The following GREB1L variants were observed in gnomAD, a reference collection of about 807,000 sequenced individuals.
The protein encoded by GREB1L is GREB1 like retinoic acid receptor coactivator, also known as GREB1-like protein.
GREB1L carries 17 observed loss-of-function variants against 200.8 expected under a neutral mutation model. The observed-to-expected ratio is 0.08, with a 90% CI of 0.06 to 0.13. GREB1L has a LOEUF of 0.13. GREB1L is among the 10% of genes least tolerant of loss of function. GREB1L has a pLI of 1.00. For synonymous variants in GREB1L, 789 were observed against 893.0 expected, an observed-to-expected ratio of 0.88 and a Z score of 2.08; for missense variants, 1,657 against 2,367.7, an observed-to-expected ratio of 0.70 and a Z score of 6.23.
intron 1 of GREB1L, among the ~76,000 whole-genome samples, chr18:21,268,511 GTATA>G (rs1324427104): frequency 8.5e-4 from 57 of 67,154 alleles, no homozygotes; most frequent in African/African-American, 1.7e-3. Context: ...ATATATATAT[GTATA>G]TATATATACA....
chr18:21,480,720 C>G (rs1304737162), intron 17 of GREB1L, among the ~76,000 whole-genome samples: 1 of 152,062 alleles, frequency 6.6e-6, no homozygotes, highest in Non-Finnish European at 1.5e-5. Flanking sequence ...AAAGAACACA[C>G]AGAAAACTGA....
chr18:21,520,229 C>T (rs1372394464), intron 31 of GREB1L, among the ~76,000 whole-genome samples: 6 of 152,138 alleles, frequency 3.9e-5, no homozygotes, highest in Non-Finnish European at 8.8e-5. Context: ...GCGTGAGCCA[C>T]CGCACCCAGC....
At chr18:21,424,292 G>C (rs2032390472) in intron 7 of GREB1L, among the ~76,000 whole-genome samples, 1 of 152,164 alleles carries the variant, frequency 6.6e-6, no homozygotes, top group Non-Finnish European at 1.5e-5. Context: ...CTTTGGCCAG[G>C]TGCAGTGGCT....
chr18:21,310,219 T>A (rs985212064), intron 1 of GREB1L, among the ~76,000 whole-genome samples: 37 of 152,134 alleles, frequency 2.4e-4, no homozygotes, highest in African/African-American at 8.7e-4. Context: ...CAGAAAAGGT[T>A]GGTAACTGAG....
intron 15 of GREB1L, among the ~76,000 whole-genome samples, chr18:21,455,555 TGC>T (rs2145483948): frequency 6.6e-6 from 1 of 151,970 alleles, no homozygotes; most frequent in Non-Finnish European, 1.5e-5. Context: ...TAGTGGCACA[TGC>T]CTGTTATCCC....
intron 27 of GREB1L, 107 bp downstream of exon 27, chr18:21,508,698 C>CCTG: frequency 1.2e-6 from 1 of 802,926 alleles, no homozygotes; most frequent in South Asian, 1.6e-5. Flanking sequence ...TTGTCCTGCC[C>CCTG]TCCTCACCAC....
chr18:21,521,037 T>C (rs1272314431), intron 32 of GREB1L, among the ~76,000 whole-genome samples: 1 of 151,562 alleles, frequency 6.6e-6, no homozygotes, highest in East Asian at 1.9e-4. Flanking sequence ...TACTAAAAAA[T>C]ACAACAAAAA....
chr18:21,383,067 T>G (rs1407139944), intron 2 of GREB1L, among the ~76,000 whole-genome samples: 1 of 152,128 alleles, frequency 6.6e-6, no homozygotes, highest in Non-Finnish European at 1.5e-5. Context: ...AGAGCCTTTT[T>G]CCCCCATCTA....
intron 4 of GREB1L, among the ~76,000 whole-genome samples, chr18:21,386,784 C>T (rs2040561659): frequency 1.3e-5 from 2 of 151,828 alleles, no homozygotes; most frequent in Admixed American, 6.6e-5. Context: ...GGATTACAGG[C>T]GTGAGCCACC....
intron 15 of GREB1L, among the ~76,000 whole-genome samples, chr18:21,459,665 A>AT (rs796364266): frequency 4.6e-5 from 7 of 151,780 alleles, no homozygotes; most frequent in South Asian, 2.1e-4. Context: ...ACAAAAAAAA[A>AT]TTTTAATAAA....
intron 1 of GREB1L, among the ~76,000 whole-genome samples, chr18:21,318,296 G>A (rs1182109000): frequency 3.3e-5 from 5 of 152,136 alleles, no homozygotes; most frequent in Non-Finnish European, 2.9e-5. Flanking sequence ...AAAGAAGGAT[G>A]ATAAGGATAA....
At chr18:21,260,202 A>G (rs2037867961) in intron 1 of GREB1L, among the ~76,000 whole-genome samples, 1 of 151,996 alleles carries the variant, frequency 6.6e-6, no homozygotes, top group Non-Finnish European at 1.5e-5. Context: ...GCAATTTTAT[A>G]TCACTGAAAG....
chr18:21,445,342 C>T (rs1303476825), intron 11 of GREB1L, among the ~76,000 whole-genome samples: 1 of 152,084 alleles, frequency 6.6e-6, no homozygotes, highest in African/African-American at 2.4e-5. Flanking sequence ...GGCGTGGTGG[C>T]GCATGCCTGT....
At chr18:21,325,063 G>A (rs1471371297) in intron 1 of GREB1L, among the ~76,000 whole-genome samples, 1 of 152,160 alleles carries the variant, frequency 6.6e-6, no homozygotes, top group Non-Finnish European at 1.5e-5. Flanking sequence ...ACTACTGGTA[G>A]AAGTCTGTTT....
At chr18:21,289,394 A>T (rs1246931924) in intron 1 of GREB1L, among the ~76,000 whole-genome samples, 2 of 151,794 alleles carry the variant, frequency 1.3e-5, no homozygotes, top group African/African-American at 2.4e-5. Flanking sequence ...CTCCAAAAAA[A>T]CATTTTTTTT....
At chr18:21,348,192 G>A (rs1377437869) in intron 1 of GREB1L, among the ~76,000 whole-genome samples, 7 of 151,594 alleles carry the variant, frequency 4.6e-5, no homozygotes, top group Non-Finnish European at 8.8e-5. Context: ...TGTTCCGCCC[G>A]CCTGAGCCTC....
chr18:21,394,631 C>T (rs2040965424), intron 4 of GREB1L, among the ~76,000 whole-genome samples: 1 of 151,996 alleles, frequency 6.6e-6, no homozygotes, highest in Non-Finnish European at 1.5e-5. Flanking sequence ...AGTTTTGGCC[C>T]GTTCATCTAG....
intron 4 of GREB1L, among the ~76,000 whole-genome samples, chr18:21,392,340 T>G (rs1225261226): frequency 7.3e-6 from 1 of 136,450 alleles, no homozygotes; most frequent in East Asian, 2.1e-4. Flanking sequence ...TAGAGGTGGG[T>G]GGACACAGCA....
At chr18:21,506,252 G>T (rs749992182) in intron 25 of GREB1L, among the ~76,000 whole-genome samples, 1 of 152,056 alleles carries the variant, frequency 6.6e-6, no homozygotes, top group Non-Finnish European at 1.5e-5. Flanking sequence ...AAAATTAGCC[G>T]GGTGTGGTGG....
Sources: allele counts gnomAD v4.1 joint callset (sites outside exome capture counted in the v4.1 genomes callset), GRCh38; gene constraint gnomAD v4.1.1; transcripts MANE v1.5; gene names NCBI Gene and HGNC (gene_info 2026-07-23, HGNC 2026-07-21).